The following SRGAP2C variants were observed in gnomAD, a reference collection of about 807,000 sequenced individuals.
The protein encoded by SRGAP2C is SLIT-ROBO Rho GTPase activating protein 2C.
In SRGAP2C, 15 loss-of-function variants were observed where a neutral mutation model predicts 25.1. The observed-to-expected ratio is 0.60, with a 90% CI of 0.40 to 0.92. The LOEUF is 0.92. Among genes scored for constraint, SRGAP2C ranks in the 40% least tolerant of loss-of-function variants. The pLI is 0.00. For synonymous variants in SRGAP2C, 44 were observed against 96.6 expected (o/e 0.46, Z 3.19); for missense variants, 144 against 264.4 (o/e 0.54, Z 3.16).
At chr1:121,347,622 AG>A (rs1553344253) in intron 4 of SRGAP2C, among the ~76,000 whole-genome samples, 2 of 152,218 alleles carry the variant, frequency 1.3e-5, no homozygotes, top group Admixed American at 1.3e-4. Flanking sequence ...TTGGCTGCAA[AG>A]CCCTAATGCC....
At chr1:121,283,117 AAC>A (rs1657287053) in intron 2 of SRGAP2C, among the ~76,000 whole-genome samples, 1 of 151,540 alleles carries the variant, frequency 6.6e-6, no homozygotes, top group African/African-American at 2.4e-5. Context: ...GACTCTGTAA[AAC>A]ACAGAACAAG....
chr1:121,202,212 T>C (rs1655001126), intron 2 of SRGAP2C, among the ~76,000 whole-genome samples: 1 of 152,140 alleles, frequency 6.6e-6, no homozygotes, highest in South Asian at 2.1e-4. Context: ...CCACACCCTC[T>C]ATACAGACAT....
At chr1:121,321,855 T>C (rs1658211681) in intron 3 of SRGAP2C, among the ~76,000 whole-genome samples, 1 of 152,252 alleles carries the variant, frequency 6.6e-6, no homozygotes, top group African/African-American at 2.4e-5. Context: ...TCCTTTCCCA[T>C]GGTGTTAGGT....
rs376443370 is a variant in SRGAP2C, at chr1:121,268,119, A to G, written c.68-16684A>G. On this transcript the variant is annotated intron_variant, in intron 2 of 9. Coordinates refer to ENST00000367123, the MANE Select transcript of SRGAP2C (RefSeq NM_001329984.2). ...ACTTACACTCTAGTGGGAGGAGAAA[A>G]TGATAAACACCTAAATAGATTTACA... Among the ~76,000 whole-genome samples, 85 of 147,616 alleles carry G rather than the reference A, an allele frequency of 5.8e-4. 1 individual carries two copies. The East Asian group carries it at 0.012, about 21-fold the overall frequency.
At chr1:121,356,684 A>C (rs587759652) in intron 4 of SRGAP2C, among the ~76,000 whole-genome samples, 61 of 151,776 alleles carry the variant, frequency 4.0e-4, no homozygotes, top group Non-Finnish European at 7.1e-4. Context: ...GAATGACCTC[A>C]AGAAATGCTT....
chr1:121,335,056 GC>G (rs1658481696), intron 4 of SRGAP2C, among the ~76,000 whole-genome samples: 1 of 142,050 alleles, frequency 7.0e-6, no homozygotes, highest in African/African-American at 2.6e-5. Context: ...ACTTTGGGAG[GC>G]CAAGGTGGGT....
intron 2 of SRGAP2C, among the ~76,000 whole-genome samples, chr1:121,218,062 ATGTT>A (rs1447906352): frequency 7.1e-6 from 1 of 141,838 alleles, no homozygotes; most frequent in Non-Finnish European, 1.5e-5. Flanking sequence ...TGTATAGCGC[ATGTT>A]CACAGGCATT....
Position 121,341,638 on chromosome 1 carries a change from CAGTA to C in SRGAP2C, c.423+17001_423+17004del, listed in dbSNP as rs1200920128. Among the ~76,000 whole-genome samples the C allele has an allele frequency of 1.6e-4, 19 of 117,424 alleles. No homozygotes were observed. The East Asian group carries it at 4.9e-3, about 30-fold the overall frequency. The allele number at this position is 117,424 out of a possible 152,430, so 77.0% of individuals were successfully genotyped here. A position where few individuals can be genotyped will look rare whatever the true frequency, so the allele number is the denominator to read the frequency against. Reference sequence around the variant, plus strand: ...GAATGCGCTTATCTGGTTTGAGAAACAGTAAGGAGACCTTGTACAGAGTAGGCAA... The same window carrying C: ...GAATGCGCTTATCTGGTTTGAGAAACAGGAGACCTTGTACAGAGTAGGCAA... On this transcript the variant is annotated intron_variant, in intron 4 of 9. Coordinates refer to ENST00000367123, the MANE Select transcript of SRGAP2C (RefSeq NM_001329984.2).
At chr1:121,222,267 T>C (rs1335462178) in intron 2 of SRGAP2C, among the ~76,000 whole-genome samples, 1 of 152,086 alleles carries the variant, frequency 6.6e-6, no homozygotes, top group Admixed American at 6.5e-5. Context: ...GCTTTTCCCA[T>C]AGGGCTGCTG....
At chr1:121,363,943 T>C (rs1659260790) in intron 4 of SRGAP2C, among the ~76,000 whole-genome samples, 1 of 152,114 alleles carries the variant, frequency 6.6e-6, no homozygotes, top group African/African-American at 2.4e-5. Flanking sequence ...TTCCTTATTA[T>C]AATAAATATA....
chr1:121,196,912 C>T (rs1326921201), intron 2 of SRGAP2C, among the ~76,000 whole-genome samples: 2 of 150,396 alleles, frequency 1.3e-5, no homozygotes, highest in African/African-American at 4.9e-5. Context: ...GACACTGTAT[C>T]TTGCACAATG....
rs1377851978 is a variant in SRGAP2C, at chr1:121,233,061, T to C, written c.67+45548T>C. On this transcript the variant is annotated intron_variant, in intron 2 of 9. Transcript: ENST00000367123. ...ATCAGATCCGCCTCACTGTCACTCA[T>C]GGGAGCCCTTGATCTGGACAACGTG... is the stretch of plus-strand genomic sequence containing the variant. Among the ~76,000 whole-genome samples the C allele has an allele frequency of 1.4e-4, 17 of 118,490 alleles. 2 individuals carry two copies. Among genetic ancestry groups the C allele is most frequent in the Admixed American group, 1.4e-3 (16 of 11,436 alleles). 77.7% of individuals were successfully genotyped at this position (118,490 alleles called of 152,430 possible).
At chr1:121,324,670 C>G (rs1658282180) in intron 4 of SRGAP2C, 30 bp downstream of exon 4, 1 of 1,002,896 alleles carries the variant, frequency 1.0e-6, no homozygotes, top group Non-Finnish European at 1.6e-6. Flanking sequence ...CACAGAGGTT[C>G]TTGGGTGGAG....
chr1:121,350,996 ACT>A (rs1187338193), intron 4 of SRGAP2C, among the ~76,000 whole-genome samples: 1 of 145,502 alleles, frequency 6.9e-6, no homozygotes, highest in Non-Finnish European at 1.5e-5. Flanking sequence ...CATTTTTGAC[ACT>A]GTTATTTATT....
chr1:121,202,293 A>G (rs1251784135), intron 2 of SRGAP2C, among the ~76,000 whole-genome samples: 4 of 152,222 alleles, frequency 2.6e-5, no homozygotes, highest in African/African-American at 7.2e-5. Context: ...GTGTTGGCTT[A>G]TAGCTACTGG....
At position 121,390,648 on chromosome 1, in the gene SRGAP2C, T is replaced by C. The variant is rs587749952; in HGVS notation, c.*2793T>C. ...GAATTTGAGGCATGACCTATAAAGATCAGTTGCTTGCAAGAGTCTCAGGAA... is the reference window on the plus strand; with the variant it reads ...GAATTTGAGGCATGACCTATAAAGACCAGTTGCTTGCAAGAGTCTCAGGAA... On this transcript the variant is annotated 3_prime_UTR_variant, in exon 10 of 10. Coordinates refer to ENST00000367123, the MANE Select transcript of SRGAP2C (RefSeq NM_001329984.2). 7.8e-5 allele frequency: 6 copies of C among 77,350 alleles called. No homozygotes were observed. Among genetic ancestry groups the C allele is most frequent in the Non-Finnish European group, 1.2e-4 (5 of 41,052 alleles). 4.8% of individuals were successfully genotyped at this position (77,350 alleles called of 1,614,324 possible). A position where few individuals can be genotyped will look rare whatever the true frequency, so the allele number is the denominator to read the frequency against.
At chr1:121,379,217 CT>C (rs1399420018) in intron 7 of SRGAP2C, among the ~76,000 whole-genome samples, 10 of 152,310 alleles carry the variant, frequency 6.6e-5, no homozygotes, top group Non-Finnish European at 8.8e-5. Context: ...TGAACCTGAA[CT>C]GTGAAACACC....
intron 2 of SRGAP2C, among the ~76,000 whole-genome samples, chr1:121,233,206 G>GT (rs201717229): frequency 0.016 from 1,777 of 113,690 alleles, 13 homozygotes; most frequent in South Asian, 0.025. Flanking sequence ...GGGTGCAGTG[G>GT]TGCGATCTTG....
intron 7 of SRGAP2C, among the ~76,000 whole-genome samples, chr1:121,379,280 G>T (rs1216494725): frequency 6.6e-6 from 1 of 151,878 alleles, no homozygotes; most frequent in Non-Finnish European, 1.5e-5. Flanking sequence ...TATCAGCTGG[G>T]AAAGGGTTAA....
Sources: gnomAD v4.1 joint callset for allele counts (sites outside exome capture counted in the v4.1 genomes callset) on GRCh38, gnomAD v4.1.1 for gene constraint, MANE v1.5 for transcripts, NCBI Gene and HGNC (gene_info 2026-07-23, HGNC 2026-07-21) for gene names.